ADAP1: variants seen among roughly 807,000 people sequenced by gnomAD.
The protein encoded by ADAP1 is arf-GAP with dual PH domain-containing protein 1.
A neutral mutation model predicts 54.9 loss-of-function variants in ADAP1; 31 were observed. The ratio of observed to expected loss-of-function variants is 0.56; its 90% CI spans 0.42 to 0.76. The LOEUF is 0.76. Among genes scored for constraint, ADAP1 ranks in the 30% least tolerant of loss-of-function variants. The pLI is 0.00. For synonymous variants in ADAP1, 313 were observed against 202.6 expected (o/e 1.55, Z -4.63); for missense variants, 535 against 512.4 (o/e 1.04, Z -0.42).
At position 945,911 on chromosome 7, in the gene ADAP1, G is replaced by T. The variant is rs1583188675; in HGVS notation, c.82+8485C>A. 1 of 822,246 alleles carries T rather than the reference G, an allele frequency of 1.2e-6. No homozygotes were observed. The allele number at this position is 822,246 out of a possible 1,614,324, so 50.9% of individuals were successfully genotyped here. ...GGCCCAGGCTGGGGCACGGGCAGGG[G>T]GAAGGGCAGTAGCCAAGCCTGTCCA... On this transcript the variant is annotated intron_variant, in intron 1 of 10. Transcript: ENST00000265846. The surrounding 1 kb of genome is among the most constrained non-coding windows in gnomAD (Gnocchi z 4.2).
At position 904,277 on chromosome 7, in the gene ADAP1, G is replaced by C. The variant is rs778473518; in HGVS notation, c.502-5C>G. On this transcript the variant is annotated splice_region_variant and splice_polypyrimidine_tract_variant and intron_variant, in intron 5 of 10. Coordinates refer to ENST00000265846, the MANE Select transcript of ADAP1 (RefSeq NM_006869.4). Reference sequence around the variant, plus strand: ...CACGGCCTTGGGCTCCTTGGCCTGAGAAGGGGTGGGGTCTAAGCACCTCAC... The same window carrying C: ...CACGGCCTTGGGCTCCTTGGCCTGACAAGGGGTGGGGTCTAAGCACCTCAC... The C allele has an allele frequency of 2.2e-5, 35 of 1,584,212 alleles. No homozygotes were observed. The highest frequency in any genetic ancestry group is 2.8e-5 in the Non-Finnish European group (33 of 1,164,266).
Position 946,248 on chromosome 7 carries a change from C to T in ADAP1, c.82+8148G>A, listed in dbSNP as rs951554729. ...CCCGTGGCCCCTGCAGGGATCCAGG[C>T]TCCCGCCGGCCGGTGGATCCCCGCC... On this transcript the variant is annotated intron_variant, in intron 1 of 10. Coordinates refer to ENST00000265846, the MANE Select transcript of ADAP1 (RefSeq NM_006869.4). This position sits in a 1 kb window ranked among gnomAD's most constrained non-coding sequence, Gnocchi z 4.3. 2.0e-5 allele frequency among the ~76,000 whole-genome samples: 3 copies of T among 152,192 alleles called. No individual in the cohort carries two copies. The highest frequency in any genetic ancestry group is 6.5e-5 in the Admixed American group (1 of 15,282).
intron 4 of ADAP1, among the ~76,000 whole-genome samples, chr7:916,758 G>T (rs373668089): frequency 1.4e-4 from 21 of 152,138 alleles, no homozygotes; most frequent in Admixed American, 2.0e-4. Flanking sequence ...GTGGGGGTTG[G>T]GGGGGCAGGA....
intron 6 of ADAP1, chr7:901,372 G>A (rs933705008): frequency 1.8e-5 from 4 of 217,232 alleles, no homozygotes; most frequent in Middle Eastern, 1.9e-3. Flanking sequence ...GGTGACCTCT[G>A]GAAAGGTGCC....
intron 4 of ADAP1, among the ~76,000 whole-genome samples, chr7:906,482 A>G (rs867666861): frequency 1.4e-4 from 13 of 95,240 alleles, no homozygotes; most frequent in South Asian, 5.0e-4. Flanking sequence ...GAAAGGAGAA[A>G]GGAGAAAGGG....
intron 4 of ADAP1, among the ~76,000 whole-genome samples, chr7:907,304 G>A (rs966229664): frequency 6.6e-5 from 10 of 152,166 alleles, no homozygotes; most frequent in African/African-American, 2.4e-4. Context: ...CGATCACAGG[G>A]GAGGGAGGCA....
chr7:909,036 G>C (rs996643030), intron 4 of ADAP1, among the ~76,000 whole-genome samples: 3 of 152,228 alleles, frequency 2.0e-5, no homozygotes, highest in African/African-American at 7.2e-5. Context: ...GAAGCGCGCA[G>C]GCCGCGGGGT....
chr7:939,775 G>C (rs1229934141), intron 1 of ADAP1, among the ~76,000 whole-genome samples: 4 of 151,592 alleles, frequency 2.6e-5, no homozygotes, highest in African/African-American at 9.7e-5. Flanking sequence ...AGATTGCAGT[G>C]AGCCGAGATC....
chr7:952,634 G>A (rs191333854), intron 1 of ADAP1, among the ~76,000 whole-genome samples: 195 of 152,210 alleles, frequency 1.3e-3, no homozygotes, highest in African/African-American at 4.5e-3. Flanking sequence ...AGAGCGGCCG[G>A]GTGTGGCTCA....
intron 4 of ADAP1, 84 bp from the exon 5 acceptor site, chr7:905,256 A>AC: frequency 1.2e-6 from 1 of 860,616 alleles, no homozygotes; most frequent in Non-Finnish European, 1.7e-6. Flanking sequence ...GACAGAGGGG[A>AC]CATGGGGAGA....
Position 905,356 on chromosome 7 carries a change from C to CGGAGAA in ADAP1, c.389-185_389-184insTTCTCC, listed in dbSNP as rs1562911405. On this transcript the variant is annotated intron_variant, in intron 4 of 10. Coordinates refer to ENST00000265846, the MANE Select transcript of ADAP1 (RefSeq NM_006869.4). ...GGAGACAGGGAGATAGGAAGATGGGCAGGGAAAGGGAAAGGGAAAGGAGAA... is the reference window on the plus strand; with the variant it reads ...GGAGACAGGGAGATAGGAAGATGGGCGGAGAAAGGGAAAGGGAAAGGGAAAGGAGAA... The CGGAGAA allele has an allele frequency of 5.5e-5, 13 of 234,730 alleles. 1 individual carries two copies. The highest frequency in any genetic ancestry group is 8.0e-5 in the African/African-American group (1 of 12,442). 14.5% of individuals were successfully genotyped at this position (234,730 alleles called of 1,614,324 possible). A position where few individuals can be genotyped will look rare whatever the true frequency, so the allele number is the denominator to read the frequency against.
At chr7:930,994 A>G (rs1175743055) in intron 2 of ADAP1, among the ~76,000 whole-genome samples, 2 of 141,354 alleles carry the variant, frequency 1.4e-5, no homozygotes, top group Non-Finnish European at 3.1e-5. Context: ...AAAAAAAAAA[A>G]GAGAAAGGAA....
intron 1 of ADAP1, among the ~76,000 whole-genome samples, chr7:944,255 CTTTT>C (rs373409871): frequency 7.4e-6 from 1 of 135,422 alleles, no homozygotes; most frequent in Non-Finnish European, 1.6e-5. Context: ...TATTTTTAAC[CTTTT>C]TTTTTTTTTT....
chr7:911,250 A>G (rs7798515), intron 4 of ADAP1, among the ~76,000 whole-genome samples: 66,590 of 151,902 alleles, frequency 0.44, 15,351 homozygotes, highest in East Asian at 0.63. Context: ...CCCTGTTCCT[A>G]TTCTCATATA....
At chr7:915,627 A>G (rs1361776027) in intron 4 of ADAP1, among the ~76,000 whole-genome samples, 1 of 152,124 alleles carries the variant, frequency 6.6e-6, no homozygotes, top group Non-Finnish European at 1.5e-5. Flanking sequence ...AGCTCATCTC[A>G]AATGCTCTCA....
chr7:950,255 G>C (rs1006037989), intron 1 of ADAP1, among the ~76,000 whole-genome samples: 1 of 152,202 alleles, frequency 6.6e-6, no homozygotes, highest in African/African-American at 2.4e-5. Flanking sequence ...GGAGGCCGAG[G>C]CAGGCGGATC....
chr7:908,334 G>A (rs1845565938), intron 4 of ADAP1, among the ~76,000 whole-genome samples: 2 of 152,206 alleles, frequency 1.3e-5, no homozygotes, highest in East Asian at 1.9e-4. Context: ...TCTCTGCTGA[G>A]ATGCAAGCCA....
At chr7:927,154 T>C in intron 2 of ADAP1, 4 of 1,303,382 alleles carry the variant, frequency 3.1e-6, no homozygotes, top group Non-Finnish European at 4.0e-6. Context: ...CTGAGGGGAC[T>C]CTGCAGGGAC....
At chr7:927,791 G>A (rs192911982) in intron 2 of ADAP1, among the ~76,000 whole-genome samples, 12 of 152,240 alleles carry the variant, frequency 7.9e-5, no homozygotes, top group African/African-American at 1.9e-4. Flanking sequence ...CGAGAGCCTC[G>A]ACCCGAGACA....
Sources: allele counts gnomAD v4.1 joint callset (sites outside exome capture counted in the v4.1 genomes callset), GRCh38; gene constraint gnomAD v4.1.1; non-coding constraint Gnocchi (gnomAD v3.1); transcripts MANE v1.5; gene names NCBI Gene and HGNC (gene_info 2026-07-23, HGNC 2026-07-21).